Variants in NUDCD3 observed in about 807,000 individuals in gnomAD.
NUDCD3 encodes the protein nudC domain-containing protein 3.
Under a neutral mutation model 39.7 loss-of-function variants are expected in NUDCD3, and 13 were observed. That is an observed-to-expected ratio of 0.33 (90% CI 0.21 to 0.52). NUDCD3 has a LOEUF of 0.52. Among genes scored for constraint, NUDCD3 ranks in the 20% least tolerant of loss-of-function variants. The pLI is 0.96. For synonymous variants in NUDCD3, 175 were observed against 172.4 expected (o/e 1.02, Z -0.12); for missense variants, 453 against 458.1 (o/e 0.99, Z 0.10).
chr7:44,448,019 C>G (rs893319017), intron 2 of NUDCD3, among the ~76,000 whole-genome samples: 18 of 152,178 alleles, frequency 1.2e-4, no homozygotes, highest in African/African-American at 4.3e-4. Flanking sequence ...GTTCTTCAGG[C>G]TGTAATGCAC....
chr7:44,438,825 A>C (rs1258056103), intron 2 of NUDCD3, among the ~76,000 whole-genome samples: 1 of 152,236 alleles, frequency 6.6e-6, no homozygotes, highest in Non-Finnish European at 1.5e-5. Context: ...CTGTTTTGTG[A>C]AACTGCCACT....
rs181459781 is a variant in NUDCD3 at position 44,440,386 on chromosome 7, T to C, written c.510-12683A>G. On this transcript the variant is annotated intron_variant, in intron 2 of 5. Coordinates refer to ENST00000355451, the MANE Select transcript of NUDCD3 (RefSeq NM_015332.4). ...CATGAAAATCAAAAGAAGATGGAAA[T>C]TGCCACAGACTGAAGGTGACGAGAA... is the stretch of plus-strand genomic sequence containing the variant. Among the ~76,000 whole-genome samples the C allele has an allele frequency of 7.3e-5, 11 of 150,908 alleles. No individual in the cohort carries two copies. The East Asian group carries it at 7.8e-4, about 11-fold the overall frequency.
chr7:44,409,565 CAA>C (rs536460900), intron 3 of NUDCD3, among the ~76,000 whole-genome samples: 4 of 133,584 alleles, frequency 3.0e-5, no homozygotes, highest in Non-Finnish European at 1.6e-5. Flanking sequence ...TCAATAACAG[CAA>C]AAAAAAAAAA....
At chr7:44,424,454 A>G (rs1301682504) in intron 3 of NUDCD3, among the ~76,000 whole-genome samples, 3 of 152,188 alleles carry the variant, frequency 2.0e-5, no homozygotes, top group Admixed American at 6.5e-5. Flanking sequence ...CAAGAAAAAA[A>G]AAATCCCATC....
chr7:44,478,782 T>C lies in NUDCD3; in HGVS notation c.509+6186A>G, dbSNP rs1800432557. ...TATAAATGAAACCTGTACATTATTATGTATAAATAACAATGTATGCTGCAA... is the reference window on the plus strand; with the variant it reads ...TATAAATGAAACCTGTACATTATTACGTATAAATAACAATGTATGCTGCAA... On this transcript the variant is annotated intron_variant, in intron 2 of 5. Transcript: ENST00000355451. Among the ~76,000 whole-genome samples, 5 of 152,202 alleles carry C rather than the reference T, an allele frequency of 3.3e-5. No individual in the cohort carries two copies. The South Asian group carries it at 1.0e-3, about 32-fold the overall frequency.
At chr7:44,415,567 C>T (rs1799004526) in intron 3 of NUDCD3, among the ~76,000 whole-genome samples, 2 of 152,182 alleles carry the variant, frequency 1.3e-5, no homozygotes, top group South Asian at 4.1e-4. Flanking sequence ...TATGCATACA[C>T]TCTTATTTGT....
At position 44,391,382 on chromosome 7, in the gene NUDCD3, C is replaced by A. The variant is rs191364842; in HGVS notation, c.975+915G>T. 2.6e-5 allele frequency among the ~76,000 whole-genome samples: 4 copies of A among 152,278 alleles called. No individual in the cohort carries two copies. The East Asian group carries it at 7.7e-4, about 29-fold the overall frequency. On this transcript the variant is annotated intron_variant, in intron 5 of 5. Transcript: ENST00000355451. ...GAACGGACGAGACACAGCAACAGGG[C>A]TTGCAGAACCACCTACGATGTATTA... is the stretch of plus-strand genomic sequence containing the variant.
At chr7:44,431,952 G>A (rs577547481) in intron 2 of NUDCD3, among the ~76,000 whole-genome samples, 371 of 152,254 alleles carry the variant, frequency 2.4e-3, no homozygotes, top group Non-Finnish European at 3.8e-3. Context: ...GATTACGTGC[G>A]TGGGCCACCG....
rs920705857 is a variant in NUDCD3 at position 44,484,756 on chromosome 7, G to A, written c.509+212C>T. The A allele has an allele frequency of 2.6e-5, 14 of 546,726 alleles. No homozygotes were observed. In the Admixed American group the frequency reaches 4.5e-4, roughly 18 times the overall value. The allele number at this position is 546,726 out of a possible 1,614,324, so 33.9% of individuals were successfully genotyped here. On this transcript the variant is annotated intron_variant, in intron 2 of 5. Transcript: ENST00000355451. Reference sequence around the variant, plus strand: ...GATCTCAAATGGTTGTATGACTACTGACCTTACCAAATGAGGGAACTGACC... The same window carrying A: ...GATCTCAAATGGTTGTATGACTACTAACCTTACCAAATGAGGGAACTGACC...
chr7:44,478,242 G>C (rs1192946358), intron 2 of NUDCD3, among the ~76,000 whole-genome samples: 2 of 152,204 alleles, frequency 1.3e-5, no homozygotes, highest in Non-Finnish European at 2.9e-5. Context: ...TCTCTTCTCT[G>C]AGGAATAAGA....
At chr7:44,408,648 T>C (rs1798871354) in intron 3 of NUDCD3, among the ~76,000 whole-genome samples, 1 of 152,216 alleles carries the variant, frequency 6.6e-6, no homozygotes, top group African/African-American at 2.4e-5. Flanking sequence ...ATTGTCAGTA[T>C]CAACTTCTTA....
chr7:44,488,569 C>A (rs1800666364), intron 1 of NUDCD3, among the ~76,000 whole-genome samples: 1 of 152,172 alleles, frequency 6.6e-6, no homozygotes, highest in Non-Finnish European at 1.5e-5. Flanking sequence ...CCCAAAAGAT[C>A]TAGTCCAGTA....
At chr7:44,457,024 G>A (rs919331228) in intron 2 of NUDCD3, among the ~76,000 whole-genome samples, 2 of 148,898 alleles carry the variant, frequency 1.3e-5, no homozygotes, top group African/African-American at 2.6e-5. Context: ...GATATAACCT[G>A]GTTAAAAAAA....
At chr7:44,458,055 A>T (rs1799937419) in intron 2 of NUDCD3, among the ~76,000 whole-genome samples, 1 of 152,244 alleles carries the variant, frequency 6.6e-6, no homozygotes. Context: ...TATTCCTCAT[A>T]ATAGCAATCC....
chr7:44,431,678 T>TC (rs1799367346), intron 2 of NUDCD3, among the ~76,000 whole-genome samples: 1 of 147,380 alleles, frequency 6.8e-6, no homozygotes, highest in Non-Finnish European at 1.5e-5. Context: ...CTTTTTTTTT[T>TC]TTTTTTTTTT....
At chr7:44,485,797 C>T (rs979811881) in intron 1 of NUDCD3, among the ~76,000 whole-genome samples, 6 of 152,182 alleles carry the variant, frequency 3.9e-5, no homozygotes, top group South Asian at 2.1e-4. Context: ...GCAAGAAACA[C>T]GCACGCACAA....
chr7:44,459,645 A>C (rs1263220312), intron 2 of NUDCD3, among the ~76,000 whole-genome samples: 1 of 152,250 alleles, frequency 6.6e-6, no homozygotes, highest in Admixed American at 6.5e-5. Context: ...TTAATTAAAC[A>C]ACTGCTTTCC....
chr7:44,385,608 T>G lies in NUDCD3; in HGVS notation c.*403A>C, dbSNP rs1209094727. ...CAATGACTTCAGCTTCGCCTGAGAGTCCAGCAACAACTCCACATCCCAACC... is the reference window on the plus strand; with the variant it reads ...CAATGACTTCAGCTTCGCCTGAGAGGCCAGCAACAACTCCACATCCCAACC... On this transcript the variant is annotated 3_prime_UTR_variant, in exon 6 of 6. Transcript: ENST00000355451. 5.3e-6 allele frequency: 1 copy of G among 188,154 alleles called. No individual in the cohort carries two copies. Among genetic ancestry groups the G allele is most frequent in the Non-Finnish European group, 1.1e-5 (1 of 91,584 alleles). 11.7% of individuals were successfully genotyped at this position (188,154 alleles called of 1,614,324 possible). A position where few individuals can be genotyped will look rare whatever the true frequency, so the allele number is the denominator to read the frequency against.
chr7:44,481,467 A>C (rs1039934671), intron 2 of NUDCD3: 1 of 152,354 alleles, frequency 6.6e-6, no homozygotes, highest in Non-Finnish European at 1.5e-5. Flanking sequence ...ATCACCTAGG[A>C]CAATCACCCT....
Sources: allele counts gnomAD v4.1 joint callset (sites outside exome capture counted in the v4.1 genomes callset), GRCh38; gene constraint gnomAD v4.1.1; transcripts MANE v1.5; gene names NCBI Gene and HGNC (gene_info 2026-07-23, HGNC 2026-07-21).